LMNTD1: variants seen among roughly 807,000 people sequenced by gnomAD.
LMNTD1 encodes lamin tail domain-containing protein 1.
In LMNTD1, 35 loss-of-function variants were observed where a neutral mutation model predicts 50.9. That is an observed-to-expected ratio of 0.69 (90% CI 0.53 to 0.91). The LOEUF (loss-of-function observed/expected upper bound fraction) is 0.91, where lower values mean the gene tolerates loss of function less well. Among genes scored for constraint, LMNTD1 ranks in the 40% least tolerant of loss-of-function variants. LMNTD1 has a pLI of 0.00. For synonymous variants in LMNTD1, 153 were observed against 161.9 expected (o/e 0.94, Z 0.42); for missense variants, 470 against 475.5 (o/e 0.99, Z 0.11).
chr12:25,645,917 G>C (rs1046902981), intron 1 of LMNTD1, among the ~76,000 whole-genome samples: 3 of 152,102 alleles, frequency 2.0e-5, no homozygotes, highest in African/African-American at 7.2e-5. Context: ...GGTAGTTTTG[G>C]AGTCACTTTG....
chr12:25,519,456 T>C (rs1321571481), intron 7 of LMNTD1, among the ~76,000 whole-genome samples: 5 of 151,202 alleles, frequency 3.3e-5, no homozygotes, highest in Non-Finnish European at 5.9e-5. Flanking sequence ...GGCGTGGTGG[T>C]GGGCGCCTGT....
chr12:25,515,936 G>C (rs550053832), intron 8 of LMNTD1, among the ~76,000 whole-genome samples: 2,552 of 66,692 alleles, frequency 0.038, 73 homozygotes, highest in African/African-American at 0.088. Flanking sequence ...TTTTTGTTTT[G>C]TCTGGTTTTT....
intron 1 of LMNTD1, among the ~76,000 whole-genome samples, chr12:25,613,964 G>T (rs775192350): frequency 1.3e-5 from 2 of 151,978 alleles, no homozygotes; most frequent in Non-Finnish European, 2.9e-5. Context: ...ATTGGGAGAG[G>T]AGACAGAAGG....
At chr12:25,596,283 A>G (rs1033943238) in intron 1 of LMNTD1, among the ~76,000 whole-genome samples, 2 of 152,058 alleles carry the variant, frequency 1.3e-5, no homozygotes, top group African/African-American at 4.8e-5. Context: ...AAAGAAAACT[A>G]CAGGTCAATA....
chr12:25,598,396 A>T (rs1945886159), intron 1 of LMNTD1, among the ~76,000 whole-genome samples: 1 of 125,908 alleles, frequency 7.9e-6, no homozygotes, highest in Admixed American at 7.4e-5. Context: ...TGCCTACATC[A>T]AAAAAAGAAG....
At chr12:25,515,092 A>G (rs1246079302) in intron 8 of LMNTD1, among the ~76,000 whole-genome samples, 1 of 152,160 alleles carries the variant, frequency 6.6e-6, no homozygotes, top group Non-Finnish European at 1.5e-5. Flanking sequence ...TATGAACCCC[A>G]AAGGAACCTT....
intron 9 of LMNTD1, among the ~76,000 whole-genome samples, chr12:25,499,232 C>T (rs1435407814): frequency 3.9e-5 from 6 of 152,124 alleles, no homozygotes; most frequent in East Asian, 1.9e-4. Context: ...CCAACACACC[C>T]GGCTGTTTTT....
intron 1 of LMNTD1, among the ~76,000 whole-genome samples, chr12:25,605,875 T>G (rs1444976094): frequency 2.0e-5 from 3 of 152,212 alleles, no homozygotes; most frequent in Non-Finnish European, 4.4e-5. Context: ...ATGAAGAAAG[T>G]CATTGGTAGC....
At chr12:25,562,429 C>A (rs541810453) in intron 1 of LMNTD1, among the ~76,000 whole-genome samples, 17 of 152,270 alleles carry the variant, frequency 1.1e-4, no homozygotes, top group South Asian at 2.1e-4. Flanking sequence ...TTCTGGGTTG[C>A]AAATTCTTTC....
At chr12:25,648,509 C>A (rs1207125972) in exon 1 of LMNTD1, 1 of 1,551,648 alleles carries the variant, frequency 6.4e-7, no homozygotes, top group East Asian at 2.4e-5. Context: ...TGGGTCTGGA[C>A]TCTGGAAACA....
At chr12:25,625,821 G>T (rs1043807530) in intron 1 of LMNTD1, among the ~76,000 whole-genome samples, 1 of 152,078 alleles carries the variant, frequency 6.6e-6, no homozygotes, top group Non-Finnish European at 1.5e-5. Context: ...CAACCCCAGA[G>T]CCTGGGATGG....
At chr12:25,619,035 T>C (rs1009756490) in intron 1 of LMNTD1, among the ~76,000 whole-genome samples, 2 of 152,312 alleles carry the variant, frequency 1.3e-5, no homozygotes, top group South Asian at 2.1e-4. Flanking sequence ...TTCTATAATA[T>C]GCTTCAATTT....
At chr12:25,548,730 C>A (rs930991323) in intron 3 of LMNTD1, among the ~76,000 whole-genome samples, 4 of 151,918 alleles carry the variant, frequency 2.6e-5, no homozygotes, top group Non-Finnish European at 5.9e-5. Context: ...TGGTGAGAAA[C>A]AAACACCCTA....
intron 1 of LMNTD1, among the ~76,000 whole-genome samples, chr12:25,637,651 A>C (rs1482487585): frequency 6.6e-6 from 1 of 152,146 alleles, no homozygotes; most frequent in Non-Finnish European, 1.5e-5. Flanking sequence ...AAGCACACCA[A>C]CTTCATTAAG....
chr12:25,647,849 C>A (rs1207391913), intron 1 of LMNTD1, among the ~76,000 whole-genome samples: 1 of 152,172 alleles, frequency 6.6e-6, no homozygotes, highest in Non-Finnish European at 1.5e-5. Context: ...GTAAAAACAG[C>A]CAATTTCATA....
intron 1 of LMNTD1, among the ~76,000 whole-genome samples, chr12:25,606,592 T>C (rs1301173372): frequency 6.6e-6 from 1 of 152,192 alleles, no homozygotes; most frequent in Non-Finnish European, 1.5e-5. Flanking sequence ...GAGATAATCA[T>C]GTGGTTTTTG....
At chr12:25,540,677 G>A (rs1215457579) in intron 4 of LMNTD1, among the ~76,000 whole-genome samples, 3 of 141,178 alleles carry the variant, frequency 2.1e-5, no homozygotes, top group Non-Finnish European at 4.7e-5. Flanking sequence ...AGACAGGGAT[G>A]CCCTCTCTCA....
At chr12:25,482,225 G>C (rs1938469455) in intron 9 of LMNTD1, among the ~76,000 whole-genome samples, 1 of 152,052 alleles carries the variant, frequency 6.6e-6, no homozygotes, top group East Asian at 1.9e-4. Flanking sequence ...TGTTTGATTA[G>C]AATCAATAGA....
At chr12:25,489,550 C>T (rs1565937709) in intron 9 of LMNTD1, among the ~76,000 whole-genome samples, 2 of 141,314 alleles carry the variant, frequency 1.4e-5, no homozygotes, top group South Asian at 4.6e-4. Flanking sequence ...TGAGATGAAC[C>T]TGGTACCTCA....
Sources: allele counts gnomAD v4.1 joint callset (sites outside exome capture counted in the v4.1 genomes callset), GRCh38; gene constraint gnomAD v4.1.1; transcripts MANE v1.5; gene names NCBI Gene and HGNC (gene_info 2026-07-23, HGNC 2026-07-21).